RTN1: variants seen among roughly 807,000 people sequenced by gnomAD.
RTN1 encodes the protein reticulon-1.
RTN1 carries 25 observed loss-of-function variants against 65.5 expected under a neutral mutation model. The ratio of observed to expected loss-of-function variants is 0.38; its 90% confidence interval spans 0.28 to 0.53. RTN1 has a LOEUF of 0.53. Ranked by LOEUF, RTN1 falls within the 20% of genes least tolerant of loss-of-function variation. The probability of loss-of-function intolerance (pLI) is 0.79; values close to 1 mark genes in which losing one functional copy is unlikely to be tolerated. For synonymous variants in RTN1, 471 were observed against 447.6 expected (o/e 1.05, Z -0.66); for missense variants, 983 against 1,025.4 (o/e 0.96, Z 0.57).
chr14:59,672,761 C>A (rs572150936), intron 3 of RTN1, among the ~76,000 whole-genome samples: 39 of 149,886 alleles, frequency 2.6e-4, no homozygotes, highest in Admixed American at 1.9e-3. Flanking sequence ...CTGCCTCAGC[C>A]TCCCGAGTAG....
At chr14:59,866,200 G>A (rs1192225591) in intron 1 of RTN1, among the ~76,000 whole-genome samples, 1 of 152,156 alleles carries the variant, frequency 6.6e-6, no homozygotes, top group Non-Finnish European at 1.5e-5. Context: ...AGTCATGACT[G>A]ACCTGTGTTT....
rs1887837844 is a variant in RTN1 at position 59,868,611 on chromosome 14, T to C, written c.241+1779A>G. 1.3e-5 allele frequency among the ~76,000 whole-genome samples: 2 copies of C among 152,194 alleles called. No homozygotes were observed. Among genetic ancestry groups the C allele is most frequent in the Admixed American group, 6.5e-5 (1 of 15,280 alleles). The stretch of plus-strand genomic sequence containing the variant: ...GATTTGTTAGCTAATCATTTGACAA[T>C]GCAGACATATGTCAAAACATCACAC... On this transcript the variant is annotated intron_variant, in intron 1 of 8. Coordinates refer to ENST00000267484, the MANE Select transcript of RTN1 (RefSeq NM_021136.3). This position sits in a 1 kb window ranked among gnomAD's most constrained non-coding sequence, Gnocchi z 4.0.
chr14:59,784,267 C>T lies in RTN1; in HGVS notation c.242-37786G>A, dbSNP rs1319285531. ...CAGCCTGATCAACATGGAGAAACCT[C>T]GTCTCTACTAAAAAAAATACAAAAT... On this transcript the variant is annotated intron_variant, in intron 1 of 8. Coordinates refer to ENST00000267484, the MANE Select transcript of RTN1 (RefSeq NM_021136.3). Among the ~76,000 whole-genome samples, 4 of 151,750 alleles carry T rather than the reference C, an allele frequency of 2.6e-5. No homozygotes were observed. In the East Asian group the frequency reaches 5.8e-4, roughly 22 times the overall value.
At chr14:59,866,332 C>T (rs1328811661) in intron 1 of RTN1, among the ~76,000 whole-genome samples, 1 of 152,016 alleles carries the variant, frequency 6.6e-6, no homozygotes, top group Non-Finnish European at 1.5e-5. Context: ...AATCCATGCT[C>T]CCAGGGATAG....
chr14:59,866,191 G>A (rs1419278670), intron 1 of RTN1, among the ~76,000 whole-genome samples: 1 of 152,166 alleles, frequency 6.6e-6, no homozygotes, highest in Non-Finnish European at 1.5e-5. Flanking sequence ...GTTTTAGGAA[G>A]TCATGACTGA....
intron 3 of RTN1, among the ~76,000 whole-genome samples, chr14:59,614,527 A>T (rs1384138943): frequency 6.6e-6 from 1 of 152,252 alleles, no homozygotes; most frequent in Non-Finnish European, 1.5e-5. Flanking sequence ...ACGTGACTTT[A>T]GGAATCTTTG....
chr14:59,864,276 T>G (rs1293813250), intron 1 of RTN1, among the ~76,000 whole-genome samples: 2 of 152,162 alleles, frequency 1.3e-5, no homozygotes, highest in Non-Finnish European at 2.9e-5. Flanking sequence ...GCTCTTCCTG[T>G]GGTTCCTTCA....
intron 1 of RTN1, among the ~76,000 whole-genome samples, chr14:59,812,804 C>T (rs1358923872): frequency 6.6e-6 from 1 of 152,142 alleles, no homozygotes; most frequent in African/African-American, 2.4e-5. Flanking sequence ...ACTTATTGCA[C>T]TTAAAAGTAC....
At position 59,870,660 on chromosome 14, in the gene RTN1, G is replaced by T. The variant is rs1400106734; in HGVS notation, c.-30C>A. On this transcript the variant is annotated 5_prime_UTR_variant, in exon 1 of 9. Transcript: ENST00000267484. This position sits in a 1 kb window ranked among gnomAD's most constrained non-coding sequence, Gnocchi z 5.1. The stretch of plus-strand genomic sequence containing the variant: ...GGCGGTCCCCCGGCGCGGCGACGGC[G>T]GCTTGGCTGGGCAGAGGCTCGGTGG... 7.4e-7 allele frequency: 1 copy of T among 1,347,948 alleles called. No homozygotes were observed. The highest frequency in any genetic ancestry group is 9.5e-7 in the Non-Finnish European group (1 of 1,058,036). 83.5% of individuals were successfully genotyped at this position (1,347,948 alleles called of 1,614,324 possible).
At chr14:59,867,147 ACC>A (rs1887813188) in intron 1 of RTN1, among the ~76,000 whole-genome samples, 1 of 152,158 alleles carries the variant, frequency 6.6e-6, no homozygotes, top group South Asian at 2.1e-4. Flanking sequence ...CAATGAGTTA[ACC>A]TCTATTTCAT....
chr14:59,774,397 T>A lies in RTN1; in HGVS notation c.242-27916A>T, dbSNP rs1594737294. Among the ~76,000 whole-genome samples, 1 of 152,274 alleles carries A rather than the reference T, an allele frequency of 6.6e-6. No individual in the cohort carries two copies. The highest frequency in any genetic ancestry group is 2.4e-5 in the African/African-American group (1 of 41,570). On this transcript the variant is annotated intron_variant, in intron 1 of 8. Transcript: ENST00000267484. The surrounding 1 kb of genome is among the most constrained non-coding windows in gnomAD (Gnocchi z 5.1). ...TTTGGCTCTGAAGGGTTGGTTTCTT[T>A]CAACTTCTGCAGTCTCAGTTGTGTT...
At chr14:59,652,413 G>A (rs1208868864) in intron 3 of RTN1, among the ~76,000 whole-genome samples, 1 of 152,144 alleles carries the variant, frequency 6.6e-6, no homozygotes, top group Non-Finnish European at 1.5e-5. Flanking sequence ...CAATTACAAA[G>A]ACATGGAACC....
Position 59,749,188 on chromosome 14 carries a change from CTA to C in RTN1, c.242-2709_242-2708del, listed in dbSNP as rs1232869645. Reference sequence around the variant, plus strand: ...TCTATATATCTATCTATATATCTATCTATATATATCTATATATATATCTATAT... The same window carrying C: ...TCTATATATCTATCTATATATCTATCTATATATCTATATATATATCTATAT... On this transcript the variant is annotated intron_variant, in intron 1 of 8. Coordinates refer to ENST00000267484, the MANE Select transcript of RTN1 (RefSeq NM_021136.3). 1.1e-3 allele frequency among the ~76,000 whole-genome samples: 79 copies of C among 71,492 alleles called. 12 individuals are homozygous for C. The highest frequency in any genetic ancestry group is 4.0e-3 in the African/African-American group (42 of 10,480). 46.9% of individuals were successfully genotyped at this position (71,492 alleles called of 152,430 possible). A position where few individuals can be genotyped will look rare whatever the true frequency, so the allele number is the denominator to read the frequency against.
intron 1 of RTN1, among the ~76,000 whole-genome samples, chr14:59,770,925 C>T (rs1010921478): frequency 4.0e-5 from 6 of 151,798 alleles, no homozygotes; most frequent in Non-Finnish European, 7.4e-5. Flanking sequence ...CCGGTGTCTG[C>T]AATCCCAGCT....
At chr14:59,735,959 T>C (rs1234960448) in intron 2 of RTN1, among the ~76,000 whole-genome samples, 3 of 152,046 alleles carry the variant, frequency 2.0e-5, no homozygotes, top group Non-Finnish European at 4.4e-5. Flanking sequence ...ATAATAAAAT[T>C]AAGGCAGAAA....
chr14:59,645,385 T>C (rs1466818646), intron 3 of RTN1, among the ~76,000 whole-genome samples: 2 of 151,096 alleles, frequency 1.3e-5, no homozygotes, highest in Non-Finnish European at 3.0e-5. Context: ...GTTTGTTACA[T>C]GTTTTCTATA....
chr14:59,807,647 T>A (rs1417019815), intron 1 of RTN1, among the ~76,000 whole-genome samples: 1 of 152,106 alleles, frequency 6.6e-6, no homozygotes, highest in Non-Finnish European at 1.5e-5. Context: ...TAACCCTGAG[T>A]CATAAGAGGG....
chr14:59,609,995 A>G, intron 3 of RTN1: 1 of 669,862 alleles, frequency 1.5e-6, no homozygotes, highest in Non-Finnish European at 2.7e-6. Context: ...CCTTAGTGTG[A>G]AGGAAGATGC....
chr14:59,854,589 C>T lies in RTN1; in HGVS notation c.241+15801G>A, dbSNP rs180706050. Among the ~76,000 whole-genome samples the T allele has an allele frequency of 1.7e-3, 239 of 138,056 alleles. 2 individuals are homozygous for T. In the East Asian group the frequency reaches 0.024, roughly 14 times the overall value. The allele number at this position is 138,056 out of a possible 152,430, so 90.6% of individuals were successfully genotyped here. A position where few individuals can be genotyped will look rare whatever the true frequency, so the allele number is the denominator to read the frequency against. On this transcript the variant is annotated intron_variant, in intron 1 of 8. Coordinates refer to ENST00000267484, the MANE Select transcript of RTN1 (RefSeq NM_021136.3). ...CCAGGAGGTGGAGGCTGCAGTGAGC[C>T]GAGATCATGCCACTGCACTCCAGCC...
Sources: gnomAD v4.1 joint callset for allele counts (sites outside exome capture counted in the v4.1 genomes callset) on GRCh38, gnomAD v4.1.1 for gene constraint, Gnocchi (gnomAD v3.1) non-coding constraint, MANE v1.5 for transcripts, NCBI Gene and HGNC (gene_info 2026-07-23, HGNC 2026-07-21) for gene names.